The following CFAP54 variants were observed in gnomAD, a reference collection of about 807,000 sequenced individuals.
CFAP54 encodes cilia- and flagella-associated protein 54.
CFAP54 carries 290 observed loss-of-function variants against 370.4 expected under a neutral mutation model. That is an observed-to-expected ratio of 0.78 (90% CI 0.71 to 0.86). The LOEUF (loss-of-function observed/expected upper bound fraction) is 0.86. Among genes scored for constraint, CFAP54 ranks in the 40% least tolerant of loss-of-function variants. CFAP54 has a pLI of 0.00. For synonymous variants in CFAP54, 1,206 were observed against 1,236.5 expected, an observed-to-expected ratio of 0.98 and a Z score of 0.52; for missense variants, 3,399 against 3,528.7, an observed-to-expected ratio of 0.96 and a Z score of 0.93.
chr12:96,557,786 A>G (rs1955769662), intron 17 of CFAP54, among the ~76,000 whole-genome samples: 4 of 151,892 alleles, frequency 2.6e-5, no homozygotes. Flanking sequence ...CTTAAGGCTT[A>G]TTATATATTA....
At chr12:96,787,957 G>C (rs1185068732) in intron 62 of CFAP54, among the ~76,000 whole-genome samples, 1 of 149,974 alleles carries the variant, frequency 6.7e-6, no homozygotes, top group Non-Finnish European at 1.5e-5. Flanking sequence ...CTGTCGCCCA[G>C]CCTGAAGTGC....
intron 19 of CFAP54, among the ~76,000 whole-genome samples, chr12:96,566,488 A>AT (rs202060694): frequency 1.8e-3 from 272 of 151,980 alleles, no homozygotes; most frequent in Middle Eastern, 3.4e-3. Flanking sequence ...GGAGGATTAG[A>AT]TTTTTTTTAA....
chr12:96,827,066 A>G (rs1959125292), intron 65 of CFAP54, among the ~76,000 whole-genome samples: 1 of 136,824 alleles, frequency 7.3e-6, no homozygotes, highest in African/African-American at 2.7e-5. Flanking sequence ...ATTATATATA[A>G]TATGCAATTA....
Position 96,513,042 on chromosome 12 carries a change from A to G in CFAP54, c.796A>G (p.Lys266Glu). ...RKLMVIGQSS[K>E]ALEYLLWASM... Reference sequence around the variant, plus strand: ...ACTGATGGTCATAGGTCAGTCTTCCAAGGTATGAAATGTACTGACAAAATA... The same window carrying G: ...ACTGATGGTCATAGGTCAGTCTTCCGAGGTATGAAATGTACTGACAAAATA... Residue 266 changes from lysine (K) to glutamate (E), a missense_variant and splice_region_variant, in exon 5 of 68, where the codon AAG becomes GAG. Lys to Glu is a moderately conservative substitution (Grantham distance 56). Transcript: ENST00000524981. 6.6e-7 allele frequency: 1 copy of G among 1,505,850 alleles called. No homozygotes were observed. The allele number at this position is 1,505,850 out of a possible 1,614,324, so 93.3% of individuals were successfully genotyped here. A position where few individuals can be genotyped will look rare whatever the true frequency, so the allele number is the denominator to read the frequency against.
intron 15 of CFAP54, among the ~76,000 whole-genome samples, chr12:96,548,856 ATT>A (rs35755598): frequency 1.3e-4 from 18 of 142,616 alleles, no homozygotes; most frequent in Non-Finnish European, 1.7e-4. Context: ...CCTCCGGTAG[ATT>A]TTTTTTTTTT....
In CFAP54 at chr12:96,784,700, A is replaced by T; in HGVS notation, c.8282-17A>T. ...TAATATAATATTGTATTACAAAAAAAAGTTTTTCACTTTCAGACAACTACC... is the reference window on the plus strand; with the variant it reads ...TAATATAATATTGTATTACAAAAAATAGTTTTTCACTTTCAGACAACTACC... On this transcript the variant is annotated splice_polypyrimidine_tract_variant and intron_variant, in intron 60 of 67. Coordinates refer to ENST00000524981, the MANE Select transcript of CFAP54 (RefSeq NM_001306084.2). 6.7e-7 allele frequency: 1 copy of T among 1,484,442 alleles called. No individual in the cohort carries two copies. The highest frequency in any genetic ancestry group is 8.9e-7 in the Non-Finnish European group (1 of 1,123,126). 92.0% of individuals were successfully genotyped at this position (1,484,442 alleles called of 1,614,324 possible).
At position 96,684,714 on chromosome 12, in the gene CFAP54, T is replaced by C. The variant is rs758230507; in HGVS notation, c.5783T>C (p.Leu1928Pro). The C allele has an allele frequency of 1.9e-6, 3 of 1,612,150 alleles. No individual in the cohort carries two copies. In the African/African-American group the frequency reaches 4.0e-5, roughly 22 times the overall value. The change falls in exon 41 of 68, where the codon CTC becomes CCC. Residue 1928 changes from leucine (L) to proline (P), a missense_variant. Physicochemically the swap from Leu to Pro is moderately conservative, Grantham distance 98. Around this residue, in one of 3 missense-constraint regions of CFAP54, gnomAD observed 2,796 missense variants for 2,869.7 expected, o/e 0.97. Transcript: ENST00000524981. ...VQALHSLGSL[L>P]IFAEKKRAAF... ...GCGTTGCATTCACTTGGAAGTCTTC[T>C]CATCTTCGCAGAAAAGAAAAGGTAG...
At chr12:96,734,855 A>G (rs1265124974) in intron 50 of CFAP54, among the ~76,000 whole-genome samples, 1 of 152,192 alleles carries the variant, frequency 6.6e-6, no homozygotes, top group African/African-American at 2.4e-5. Context: ...AACAAAAACC[A>G]TTACACCAAC....
chr12:96,565,461 G>A (rs1428533468), intron 19 of CFAP54, among the ~76,000 whole-genome samples: 1 of 152,120 alleles, frequency 6.6e-6, no homozygotes, highest in African/African-American at 2.4e-5. Context: ...AGTGAATGAT[G>A]TATGAAGATG....
At chr12:96,636,252 C>T (rs976477753) in intron 32 of CFAP54, among the ~76,000 whole-genome samples, 2 of 152,122 alleles carry the variant, frequency 1.3e-5, no homozygotes, top group African/African-American at 2.4e-5. Flanking sequence ...CCACACCATC[C>T]CTGCACATTT....
chr12:96,756,728 C>T (rs887010776), intron 57 of CFAP54, among the ~76,000 whole-genome samples, 165 bp downstream of exon 57: 8 of 152,152 alleles, frequency 5.3e-5, no homozygotes, highest in African/African-American at 1.9e-4. Flanking sequence ...GACCCAAAGC[C>T]TCCTTTAAAG....
intron 66 of CFAP54, among the ~76,000 whole-genome samples, chr12:96,848,755 A>G (rs1959443571): frequency 6.6e-6 from 1 of 152,366 alleles, no homozygotes. Context: ...ATCTCATATT[A>G]TGTTTAAAAA....
At chr12:96,574,674 C>A (rs562009280) in intron 19 of CFAP54, among the ~76,000 whole-genome samples, 6 of 151,848 alleles carry the variant, frequency 4.0e-5, no homozygotes, top group Non-Finnish European at 7.4e-5. Flanking sequence ...TATTTATATA[C>A]TTCCTAATGT....
At chr12:96,864,298 G>A (rs117561497) in intron 67 of CFAP54, among the ~76,000 whole-genome samples, 3 of 152,286 alleles carry the variant, frequency 2.0e-5, no homozygotes, top group East Asian at 1.9e-4. Flanking sequence ...AGGAAAGAGC[G>A]AAGAGAAGCC....
chr12:96,849,170 A>C (rs1411020304), intron 66 of CFAP54, among the ~76,000 whole-genome samples: 1 of 152,242 alleles, frequency 6.6e-6, no homozygotes, highest in East Asian at 1.9e-4. Context: ...ATGTATTAAG[A>C]AAAAATAGAA....
intron 32 of CFAP54, among the ~76,000 whole-genome samples, chr12:96,637,576 TCATG>T (rs2136483266): frequency 6.6e-6 from 1 of 152,348 alleles, no homozygotes; most frequent in South Asian, 2.1e-4. Flanking sequence ...TTGTTTTTAA[TCATG>T]CATAGAGTAT....
At chr12:96,551,761 G>A (rs917638471) in intron 15 of CFAP54, among the ~76,000 whole-genome samples, 14 of 152,106 alleles carry the variant, frequency 9.2e-5, no homozygotes, top group African/African-American at 3.4e-4. Context: ...AAGAACCTCT[G>A]TATCTAATAA....
At chr12:96,554,527 T>A in intron 16 of CFAP54, 149 bp from the exon 17 acceptor site, 1 of 1,031,012 alleles carries the variant, frequency 9.7e-7, no homozygotes, top group Non-Finnish European at 1.3e-6. Context: ...TATTTATTAG[T>A]GTTTAAGCAA....
In CFAP54 at chr12:96,741,458, G is replaced by A. The variant is rs78882556; in HGVS notation, c.7072-981G>A. Among the ~76,000 whole-genome samples, 1,497 of 152,050 alleles carry A rather than the reference G, an allele frequency of 9.8e-3. 56 individuals carry two copies. In the East Asian group the frequency reaches 0.1, roughly 10 times the overall value. On this transcript the variant is annotated intron_variant, in intron 51 of 67. Transcript: ENST00000524981. ...GATTACAGGTGTGAGCCACCGCGCCGCGCATGTTGACTGCTTACCCTTGTT... is the reference window on the plus strand; with the variant it reads ...GATTACAGGTGTGAGCCACCGCGCCACGCATGTTGACTGCTTACCCTTGTT...
Sources: allele counts gnomAD v4.1 joint callset (sites outside exome capture counted in the v4.1 genomes callset), GRCh38; gene constraint gnomAD v4.1.1; regional missense constraint gnomAD v4.1.1; transcripts MANE v1.5; gene names NCBI Gene and HGNC (gene_info 2026-07-23, HGNC 2026-07-21).